The following METTL15 variants were observed in gnomAD, a reference collection of about 807,000 sequenced individuals.
METTL15 encodes 12S rRNA N(4)-cytidine methyltransferase METTL15.
Under a neutral mutation model 38.3 loss-of-function variants are expected in METTL15, and 34 were observed. That is an observed-to-expected ratio of 0.89 (90% CI 0.68 to 1.18). METTL15 has a LOEUF of 1.18. Ranked by LOEUF, METTL15 falls within the 50% of genes most tolerant of loss-of-function variation. The pLI is 0.00. For synonymous variants in METTL15, 162 were observed against 170.9 expected (o/e 0.95, Z 0.41); for missense variants, 438 against 498.4 (o/e 0.88, Z 1.15).
chr11:28,377,124 G>C (rs533325716), intron 5 of METTL15, among the ~76,000 whole-genome samples: 14 of 144,310 alleles, frequency 9.7e-5, no homozygotes, highest in African/African-American at 3.0e-4. Flanking sequence ...TGGTGAATCT[G>C]ACAATTATGT....
intron 3 of METTL15, among the ~76,000 whole-genome samples, chr11:28,160,398 T>C (rs10835279): frequency 0.15 from 22,546 of 152,034 alleles, 1,849 homozygotes; most frequent in East Asian, 0.28. Flanking sequence ...GGTATTATAC[T>C]ATTTTCAGAA....
chr11:28,296,304 T>C lies in METTL15; in HGVS notation c.600-449T>C, dbSNP rs190659212. Among the ~76,000 whole-genome samples, 13 of 152,268 alleles carry C rather than the reference T, an allele frequency of 8.5e-5. No individual in the cohort carries two copies. In the East Asian group the frequency reaches 2.5e-3, roughly 29 times the overall value. On this transcript the variant is annotated intron_variant, in intron 5 of 6. Coordinates refer to ENST00000407364, the MANE Select transcript of METTL15 (RefSeq NM_001113528.2). The stretch of plus-strand genomic sequence containing the variant: ...TTGTGTCTCCACAAGTAATCAGTTA[T>C]TTTACAGCCTCAGATTTAGTCAAGT...
chr11:28,260,429 C>G (rs1175784036), intron 4 of METTL15, among the ~76,000 whole-genome samples: 1 of 152,116 alleles, frequency 6.6e-6, no homozygotes, highest in East Asian at 1.9e-4. Flanking sequence ...TGGAACTATC[C>G]TATTTATTTA....
At chr11:28,482,400 C>A (rs552546172) in intron 6 of METTL15, among the ~76,000 whole-genome samples, 2 of 152,288 alleles carry the variant, frequency 1.3e-5, no homozygotes, top group East Asian at 3.9e-4. Flanking sequence ...GAGTCCTTGT[C>A]TATTATATAG....
intron 3 of METTL15, 41 bp from the exon 4 acceptor site, chr11:28,211,021 G>A (rs1852612416): frequency 6.4e-7 from 1 of 1,572,874 alleles, no homozygotes; most frequent in South Asian, 1.2e-5. Flanking sequence ...AATAAGTTTT[G>A]TTTATGCTAA....
intron 6 of METTL15, among the ~76,000 whole-genome samples, chr11:28,479,402 A>C (rs1040416654): frequency 3.9e-5 from 6 of 152,188 alleles, no homozygotes; most frequent in Non-Finnish European, 2.9e-5. Flanking sequence ...TTAGGGACTA[A>C]AAACTAAGAG....
intron 6 of METTL15, among the ~76,000 whole-genome samples, chr11:28,300,607 G>A (rs912056477): frequency 6.6e-6 from 1 of 152,104 alleles, no homozygotes; most frequent in African/African-American, 2.4e-5. Flanking sequence ...AATTATCAAA[G>A]CAGTAATTTA....
intron 6 of METTL15, among the ~76,000 whole-genome samples, chr11:28,471,079 G>C (rs962829975): frequency 6.6e-6 from 1 of 152,026 alleles, no homozygotes; most frequent in Non-Finnish European, 1.5e-5. Flanking sequence ...GACATCACCT[G>C]GGGCTAGAGC....
intron 3 of METTL15, among the ~76,000 whole-genome samples, chr11:28,181,599 A>G (rs1413275836): frequency 6.6e-6 from 1 of 151,952 alleles, no homozygotes; most frequent in African/African-American, 2.4e-5. Context: ...ATCATTTTTT[A>G]AGGCTGCATA....
At chr11:28,214,460 T>C (rs949649030) in intron 4 of METTL15, among the ~76,000 whole-genome samples, 3 of 152,180 alleles carry the variant, frequency 2.0e-5, no homozygotes, top group Non-Finnish European at 4.4e-5. Context: ...ATTAAAACAG[T>C]AATACCCGTG....
At chr11:28,136,364 C>T (rs1849514397) in intron 3 of METTL15, among the ~76,000 whole-genome samples, 1 of 152,146 alleles carries the variant, frequency 6.6e-6, no homozygotes, top group South Asian at 2.1e-4. Flanking sequence ...TGCACAAGCT[C>T]TCTTGCTTGC....
At chr11:28,328,280 A>G in intron 6 of METTL15, 4 of 949,322 alleles carry the variant, frequency 4.2e-6, no homozygotes, top group Non-Finnish European at 6.1e-6. Context: ...TTGGCAAAGT[A>G]ATTTTTATAG....
At chr11:28,333,877 G>A (rs1590336604), downstream of METTL15, among the ~76,000 whole-genome samples, 1 of 151,634 alleles carries the variant, frequency 6.6e-6, no homozygotes, top group Non-Finnish European at 1.5e-5. Flanking sequence ...AAATTCACTT[G>A]CAAATATTTG....
At chr11:28,350,133 T>C (rs947872051) in intron 3 of METTL15, among the ~76,000 whole-genome samples, 4 of 152,210 alleles carry the variant, frequency 2.6e-5, no homozygotes, top group African/African-American at 7.2e-5. Flanking sequence ...ATATGCTATG[T>C]GCTCTAGGGC....
At chr11:28,316,711 T>C (rs1333977860) in intron 6 of METTL15, among the ~76,000 whole-genome samples, 1 of 152,204 alleles carries the variant, frequency 6.6e-6, no homozygotes, top group East Asian at 1.9e-4. Context: ...TGGTGGAAGA[T>C]GACTGAATTA....
intron 4 of METTL15, among the ~76,000 whole-genome samples, chr11:28,284,916 C>A (rs925246407): frequency 1.3e-5 from 2 of 152,058 alleles, no homozygotes; most frequent in African/African-American, 4.8e-5. Flanking sequence ...CAAATCTCAC[C>A]TCAAATTGTA....
At chr11:28,449,337 A>G (rs1851100609) in intron 6 of METTL15, among the ~76,000 whole-genome samples, 1 of 152,194 alleles carries the variant, frequency 6.6e-6, no homozygotes, top group African/African-American at 2.4e-5. Flanking sequence ...TAGAACACAG[A>G]CACTCCTATG....
At chr11:28,137,422 A>T (rs2133649455) in intron 3 of METTL15, among the ~76,000 whole-genome samples, 1 of 152,286 alleles carries the variant, frequency 6.6e-6, no homozygotes, top group East Asian at 1.9e-4. Flanking sequence ...GTTGTCAATA[A>T]TCTCAATTAT....
intron 4 of METTL15, among the ~76,000 whole-genome samples, chr11:28,274,117 G>A (rs913469973): frequency 2.6e-5 from 4 of 151,986 alleles, no homozygotes; most frequent in Non-Finnish European, 5.9e-5. Flanking sequence ...TCAATAGAGT[G>A]TGGCTAAAAG....
Sources: allele counts gnomAD v4.1 joint callset (sites outside exome capture counted in the v4.1 genomes callset), GRCh38; gene constraint gnomAD v4.1.1; transcripts MANE v1.5; gene names NCBI Gene and HGNC (gene_info 2026-07-23, HGNC 2026-07-21).